Variants in NDST4 observed in about 807,000 individuals in gnomAD.
The protein encoded by NDST4 is N-heparan sulfate sulfotransferase 4.
A neutral mutation model predicts 100.8 loss-of-function variants in NDST4; 63 were observed. That is an observed-to-expected ratio of 0.62 (90% CI 0.51 to 0.77). The LOEUF is 0.77. Among genes scored for constraint, NDST4 ranks in the 30% least tolerant of loss-of-function variants. The pLI is 0.00. For synonymous variants in NDST4, 377 were observed against 361.8 expected (o/e 1.04, Z -0.48); for missense variants, 943 against 1,018.4 (o/e 0.93, Z 1.01).
intron 6 of NDST4, among the ~76,000 whole-genome samples, chr4:114,922,466 G>A (rs1277851083): frequency 6.6e-6 from 1 of 152,182 alleles, no homozygotes; most frequent in Admixed American, 6.5e-5. Flanking sequence ...GCATGTCAAT[G>A]TATAAGATCC....
intron 7 of NDST4, among the ~76,000 whole-genome samples, chr4:114,854,712 T>A (rs539442726): frequency 3.3e-5 from 5 of 152,168 alleles, no homozygotes; most frequent in African/African-American, 1.2e-4. Flanking sequence ...TCATGATCTG[T>A]CCACCTCAGC....
intron 2 of NDST4, among the ~76,000 whole-genome samples, chr4:114,987,140 GAAT>G (rs1013648530): frequency 1.3e-4 from 19 of 151,898 alleles, no homozygotes; most frequent in African/African-American, 3.9e-4. Context: ...ATGGCTTTAG[GAAT>G]AATATGAAAT....
intron 4 of NDST4, among the ~76,000 whole-genome samples, chr4:114,968,073 G>A (rs980893726): frequency 6.6e-6 from 1 of 152,098 alleles, no homozygotes; most frequent in Non-Finnish European, 1.5e-5. Context: ...CTGAGTCCTT[G>A]ATCTTAACTA....
rs563056370 is a variant in NDST4 at position 114,981,890 on chromosome 4, G to A, written c.979-4616C>T. On this transcript the variant is annotated intron_variant, in intron 2 of 13. Coordinates refer to ENST00000264363, the MANE Select transcript of NDST4 (RefSeq NM_022569.3). ...TCACATCAAATTGTAATCCCCACATGTTGAAGGTGGGGCTTGGTGGGAGGT... is the reference window on the plus strand; with the variant it reads ...TCACATCAAATTGTAATCCCCACATATTGAAGGTGGGGCTTGGTGGGAGGT... Among the ~76,000 whole-genome samples, 9 of 152,214 alleles carry A rather than the reference G, an allele frequency of 5.9e-5. No homozygotes were observed. In the East Asian group the frequency reaches 1.5e-3, roughly 26 times the overall value.
chr4:114,909,669 C>CAA (rs773267929), intron 6 of NDST4, among the ~76,000 whole-genome samples: 38 of 61,502 alleles, frequency 6.2e-4, no homozygotes, highest in South Asian at 1.2e-3. Context: ...GACTCCGTCT[C>CAA]AAAAAAAAAA....
chr4:115,030,290 T>A (rs1272060608), intron 2 of NDST4, among the ~76,000 whole-genome samples: 1 of 152,122 alleles, frequency 6.6e-6, no homozygotes, highest in Non-Finnish European at 1.5e-5. Context: ...CAAAATGTGG[T>A]GTGATTAGAA....
At chr4:115,065,848 G>A (rs520853) in intron 2 of NDST4, among the ~76,000 whole-genome samples, 36,527 of 151,818 alleles carry the variant, frequency 0.24, 5,843 homozygotes, top group East Asian at 0.45. Context: ...CATTTACCTT[G>A]TAATTCAATT....
At chr4:115,006,924 T>C (rs1164543110) in intron 2 of NDST4, among the ~76,000 whole-genome samples, 2 of 152,040 alleles carry the variant, frequency 1.3e-5, no homozygotes, top group African/African-American at 4.8e-5. Flanking sequence ...ATAATAATAA[T>C]AATAACAACA....
At chr4:114,985,785 A>G (rs1726887088) in intron 2 of NDST4, among the ~76,000 whole-genome samples, 1 of 152,236 alleles carries the variant, frequency 6.6e-6, no homozygotes, top group Non-Finnish European at 1.5e-5. Flanking sequence ...ATCAGTATCT[A>G]CGTTTCAACA....
At chr4:114,988,302 T>A (rs79077773) in intron 2 of NDST4, among the ~76,000 whole-genome samples, 1,790 of 151,374 alleles carry the variant, frequency 0.012, 37 homozygotes, top group African/African-American at 0.04. Context: ...TTTTGAAAAT[T>A]TTCATATGAT....
At chr4:115,037,187 A>T (rs543136943) in intron 2 of NDST4, among the ~76,000 whole-genome samples, 51 of 152,118 alleles carry the variant, frequency 3.4e-4, no homozygotes, top group African/African-American at 1.2e-3. Context: ...AAAGAAAAAA[A>T]GATGGAGAAG....
chr4:114,857,195 T>C (rs115662999), intron 7 of NDST4, among the ~76,000 whole-genome samples: 1 of 152,336 alleles, frequency 6.6e-6, no homozygotes, highest in African/African-American at 2.4e-5. Flanking sequence ...TAGCAAAGCA[T>C]ACTATCTGAA....
At chr4:115,053,956 A>G (rs1265438109) in intron 2 of NDST4, among the ~76,000 whole-genome samples, 1 of 152,100 alleles carries the variant, frequency 6.6e-6, no homozygotes, top group East Asian at 1.9e-4. Flanking sequence ...ATGTTTAGAA[A>G]CCTAATGGAT....
intron 6 of NDST4, among the ~76,000 whole-genome samples, chr4:114,931,412 G>C (rs531857495): frequency 8.6e-5 from 13 of 150,992 alleles, no homozygotes; most frequent in Admixed American, 7.9e-4. Context: ...GAAAAAAAAA[G>C]ATATCAGATA....
At chr4:114,998,426 A>G (rs1278959157) in intron 2 of NDST4, among the ~76,000 whole-genome samples, 1 of 152,108 alleles carries the variant, frequency 6.6e-6, no homozygotes, top group African/African-American at 2.4e-5. Context: ...TGAGGAGGTC[A>G]TGGCTCACAC....
At chr4:114,958,611 A>G (rs1468116477) in intron 4 of NDST4, among the ~76,000 whole-genome samples, 1 of 152,138 alleles carries the variant, frequency 6.6e-6, no homozygotes, top group Non-Finnish European at 1.5e-5. Flanking sequence ...CAGACTGCAC[A>G]AAGCAGCAAG....
At chr4:114,977,780 C>T (rs957690662) in intron 2 of NDST4, among the ~76,000 whole-genome samples, 3 of 151,832 alleles carry the variant, frequency 2.0e-5, no homozygotes, top group Non-Finnish European at 1.5e-5. Context: ...TTACAAACTA[C>T]AGAGCAATGT....
intron 1 of NDST4, among the ~76,000 whole-genome samples, chr4:115,081,571 G>T (rs1026587052): frequency 6.6e-6 from 1 of 152,064 alleles, no homozygotes; most frequent in African/African-American, 2.4e-5. Flanking sequence ...TAAGACAATT[G>T]AGATTAATTT....
At chr4:114,923,960 G>A (rs1191419010) in intron 6 of NDST4, among the ~76,000 whole-genome samples, 2 of 151,294 alleles carry the variant, frequency 1.3e-5, no homozygotes, top group African/African-American at 2.4e-5. Context: ...GCAATCTTAC[G>A]GATTTTTTCA....
Sources: gnomAD v4.1 joint callset for allele counts (sites outside exome capture counted in the v4.1 genomes callset) on GRCh38, gnomAD v4.1.1 for gene constraint, MANE v1.5 for transcripts, NCBI Gene and HGNC (gene_info 2026-07-23, HGNC 2026-07-21) for gene names.